Variants in RNF213 observed in about 807,000 individuals in gnomAD.
The protein encoded by RNF213 is E3 ubiquitin-protein ligase RNF213.
A neutral mutation model predicts 514.4 loss-of-function variants in RNF213; 341 were observed. The observed-to-expected ratio is 0.66, with a 90% CI of 0.61 to 0.73. RNF213 has a LOEUF of 0.73. RNF213 is among the 30% of genes least tolerant of loss of function. The probability of loss-of-function intolerance (pLI) is 0.00; values close to 1 mark genes in which losing one functional copy is unlikely to be tolerated. For synonymous variants in RNF213, 2,655 were observed against 2,658.2 expected, an observed-to-expected ratio of 1.00 and a Z score of 0.04; for missense variants, 5,767 against 6,615.6, an observed-to-expected ratio of 0.87 and a Z score of 4.45.
intron 67 of RNF213, among the ~76,000 whole-genome samples, chr17:80,392,774 G>A (rs998345845): frequency 6.6e-6 from 1 of 152,120 alleles, no homozygotes; most frequent in Non-Finnish European, 1.5e-5. Context: ...ATTTTTACTA[G>A]AGACAGGGTT....
At chr17:80,351,119 TCAA>T (rs1488307227) in intron 31 of RNF213, among the ~76,000 whole-genome samples, 2 of 152,234 alleles carry the variant, frequency 1.3e-5, no homozygotes, top group Admixed American at 6.5e-5. Flanking sequence ...GGCTTAAATC[TCAA>T]CAAGAAACTG....
Position 80,397,616 on chromosome 17 carries a change from C to T in RNF213, c.*4118C>T, listed in dbSNP as rs1289000206. 6.6e-6 allele frequency: 1 copy of T among 152,094 alleles called. No homozygotes were observed. The highest frequency in any genetic ancestry group is 1.5e-5 in the Non-Finnish European group (1 of 68,016). 9.4% of individuals were successfully genotyped at this position (152,094 alleles called of 1,614,324 possible). On this transcript the variant is annotated 3_prime_UTR_variant, in exon 68 of 68. Coordinates refer to ENST00000582970, the MANE Select transcript of RNF213 (RefSeq NM_001256071.3). ...CCTGCTTGCTCAATCAATCACGACC[C>T]TCTCACGCAGACCCCTTAAGAGTTG...
Position 80,344,695 on chromosome 17 carries a change from G to GTT in RNF213, c.6361_6362dup (p.Phe2123ValfsTer17). On this transcript the variant is annotated frameshift_variant, in exon 29 of 68. Transcript: ENST00000582970. LOFTEE classifies it high-confidence loss of function. ...CTTTCCAGCGTACACGTGTACCCCA[G>GTT]TTCAGTTTTCTTGACATCTTCCCAA... 1.2e-6 allele frequency: 2 copies of GTT among 1,614,110 alleles called. No individual in the cohort carries two copies. The highest frequency in any genetic ancestry group is 1.1e-5 in the South Asian group (1 of 91,068).
At chr17:80,386,915 T>TG in intron 63 of RNF213, 24 bp downstream of exon 63, 2 of 1,595,482 alleles carry the variant, frequency 1.3e-6, no homozygotes, top group Non-Finnish European at 1.7e-6. Flanking sequence ...CTGCCACTGC[T>TG]GCTCATTTGG....
chr17:80,295,720 G>A lies in RNF213; in HGVS notation c.1919G>A (p.Ser640Asn). The A allele has an allele frequency of 6.2e-7, 1 of 1,614,212 alleles. No individual in the cohort carries two copies. Among genetic ancestry groups the A allele is most frequent in the South Asian group, 1.1e-5 (1 of 91,082 alleles). The change falls in exon 10 of 68, where the codon AGC becomes AAC. Residue 640 changes from serine to asparagine, a missense_variant. Physicochemically the swap from Ser to Asn is conservative, Grantham distance 46. Transcript: ENST00000582970. ...AAAATTGAGCTTTTATTAGAAGGCAGCCTGGACTGGTTGTGTCACCTCCTA... is the reference window on the plus strand; with the variant it reads ...AAAATTGAGCTTTTATTAGAAGGCAACCTGGACTGGTTGTGTCACCTCCTA... Reference protein sequence around the residue: ...VEKIELLLEGSLDWLCHLLTS... With the variant: ...VEKIELLLEGNLDWLCHLLTS...
In RNF213 at chr17:80,286,245, C is replaced by G. The variant is rs371953227; in HGVS notation, c.262-1570C>G. 2.5e-4 allele frequency among the ~76,000 whole-genome samples: 38 copies of G among 151,862 alleles called. 1 individual carries two copies. Among genetic ancestry groups the G allele is most frequent in the African/African-American group, 8.7e-4 (36 of 41,404 alleles). On this transcript the variant is annotated intron_variant, in intron 3 of 67. Coordinates refer to ENST00000582970, the MANE Select transcript of RNF213 (RefSeq NM_001256071.3). ...ACGCAGGCCGAGCGGGAGGCTGGAG[C>G]CAAGCTGTGGCCTGGGGAGATGTTA...
In RNF213 at chr17:80,318,328, C is replaced by T. The variant is rs149963544; in HGVS notation, c.2902-862C>T. ...GCCATGGGTTTCAGGCTTTTCGGCT[C>T]GAAGGTGGGGTTTTGCCAGGGACCC... On this transcript the variant is annotated intron_variant, in intron 16 of 67. Transcript: ENST00000582970. Among the ~76,000 whole-genome samples, 276 of 152,224 alleles carry T rather than the reference C, an allele frequency of 1.8e-3. 9 individuals are homozygous for T. The South Asian group carries it at 0.026, about 14-fold the overall frequency.
intron 67 of RNF213, among the ~76,000 whole-genome samples, chr17:80,391,117 G>A (rs988608533): frequency 1.3e-5 from 2 of 152,142 alleles, no homozygotes; most frequent in African/African-American, 2.4e-5. Flanking sequence ...AAGAGTGTAT[G>A]AGAATACTCA....
intron 15 of RNF213, chr17:80,315,758 CAGTGGTGATGCTGGT>C (rs2045906051): frequency 9.3e-5 from 8 of 86,076 alleles, no homozygotes; most frequent in African/African-American, 1.4e-4. Flanking sequence ...GTGGAGGTGA[CAGTGGTGATGCTGGT>C]GGTGGTGGTG....
At position 80,263,464 on chromosome 17, in the gene RNF213, A is replaced by T; in HGVS notation, c.-108-110A>T. ...CCAGGGCAGAGACTGCAAAAGCTTG[A>T]GAGCCAAGGGGGCAGCACAGAGCGG... On this transcript the variant is annotated intron_variant, in intron 1 of 67. Transcript: ENST00000582970. This position sits in a 1 kb window ranked among gnomAD's most constrained non-coding sequence, Gnocchi z 4.9. The T allele has an allele frequency of 2.0e-6, 1 of 498,610 alleles. No individual in the cohort carries two copies. The highest frequency in any genetic ancestry group is 3.7e-6 in the Non-Finnish European group (1 of 267,638). 30.9% of individuals were successfully genotyped at this position (498,610 alleles called of 1,614,324 possible). A position where few individuals can be genotyped will look rare whatever the true frequency, so the allele number is the denominator to read the frequency against.
At chr17:80,307,361 TG>T (rs2045402156) in intron 13 of RNF213, among the ~76,000 whole-genome samples, 160 bp downstream of exon 13, 1 of 126,224 alleles carries the variant, frequency 7.9e-6, no homozygotes, top group African/African-American at 3.3e-5. Flanking sequence ...TATTGTCGTC[TG>T]TTTTTTTTTT....
chr17:80,346,617 T>C lies in RNF213; in HGVS notation c.8282T>C (p.Leu2761Pro), dbSNP rs761760235. 1 of 1,613,070 alleles carries C rather than the reference T, an allele frequency of 6.2e-7. No individual in the cohort carries two copies. The highest frequency in any genetic ancestry group is 1.7e-5 in the Admixed American group (1 of 60,010). Residue 2761 changes from leucine (L) to proline (P), a missense_variant, in exon 29 of 68, where the codon CTG becomes CCG. Physicochemically the swap from Leu to Pro is moderately conservative, Grantham distance 98 (BLOSUM62 -3). Transcript: ENST00000582970. The surrounding 1 kb of genome is among the most constrained non-coding windows in gnomAD (Gnocchi z 8.1). ...NVFMMVVCIE[L>P]KIPLFLVGKP... ...TTCATGATGGTCGTCTGCATCGAGC[T>C]GAAGATTCCCCTCTTCCTGGTGGGG... is the stretch of plus-strand genomic sequence containing the variant.
intron 3 of RNF213, chr17:80,278,788 G>A: frequency 6.5e-7 from 1 of 1,537,214 alleles, no homozygotes; most frequent in Admixed American, 2.0e-5. Context: ...GGTTTTGGTA[G>A]ATGCTGCTGT....
At position 80,381,867 on chromosome 17, in the gene RNF213, CAGAG is replaced by C. The variant is rs544827891; in HGVS notation, c.13978+144_13978+147del. On this transcript the variant is annotated intron_variant, in intron 57 of 67. Transcript: ENST00000582970. ...TTGCTGGAAAGAATGAGAGAACACA[CAGAG>C]AGAAAACCGTGTCTAGGGAAGGCGA... 219 of 853,480 alleles carry C rather than the reference CAGAG, an allele frequency of 2.6e-4. 1 individual carries two copies. In the South Asian group the frequency reaches 3.1e-3, roughly 12 times the overall value. 52.9% of individuals were successfully genotyped at this position (853,480 alleles called of 1,614,324 possible).
chr17:80,387,974 T>C (rs2080307219), intron 63 of RNF213, among the ~76,000 whole-genome samples: 2 of 150,946 alleles, frequency 1.3e-5, no homozygotes, highest in Non-Finnish European at 2.9e-5. Flanking sequence ...TTTTTTTTTT[T>C]TTTGAGACGG....
At chr17:80,306,812 G>A (rs1047822102) in intron 12 of RNF213, among the ~76,000 whole-genome samples, 33 of 149,316 alleles carry the variant, frequency 2.2e-4, no homozygotes, top group African/African-American at 7.9e-4. Flanking sequence ...AGATCACGCC[G>A]CTGCACTCCA....
chr17:80,295,087 G>C (rs141739412), intron 9 of RNF213, 84 bp downstream of exon 9: 35,428 of 1,533,094 alleles, frequency 0.023, 483 homozygotes, highest in Non-Finnish European at 0.028. Context: ...CCTTGACTCT[G>C]TGGGCCAGGT....
chr17:80,386,239 G>T lies in RNF213; in HGVS notation c.14540-11G>T. On this transcript the variant is annotated splice_polypyrimidine_tract_variant and intron_variant, in intron 61 of 67. Coordinates refer to ENST00000582970, the MANE Select transcript of RNF213 (RefSeq NM_001256071.3). ...CTCCTCTCTGCTTAAGCATAACCCTGTCGTTTAAAGGTGAGATCAACCTAC... is the reference window on the plus strand; with the variant it reads ...CTCCTCTCTGCTTAAGCATAACCCTTTCGTTTAAAGGTGAGATCAACCTAC... The T allele has an allele frequency of 6.2e-7, 1 of 1,604,594 alleles. No homozygotes were observed. Among genetic ancestry groups the T allele is most frequent in the Non-Finnish European group, 8.5e-7 (1 of 1,179,822 alleles).
chr17:80,281,279 C>G (rs1249020508), intron 3 of RNF213, among the ~76,000 whole-genome samples: 14 of 95,200 alleles, frequency 1.5e-4, no homozygotes, highest in Admixed American at 1.1e-4. Flanking sequence ...ACTCACACTC[C>G]CCCCCACACA....
Sources: gnomAD v4.1 joint callset for allele counts (sites outside exome capture counted in the v4.1 genomes callset) on GRCh38, gnomAD v4.1.1 for gene constraint, Gnocchi (gnomAD v3.1) non-coding constraint, MANE v1.5 for transcripts, NCBI Gene and HGNC (gene_info 2026-07-23, HGNC 2026-07-21) for gene names.